Variants in HCN1 observed in about 807,000 individuals in gnomAD.
HCN1 encodes potassium/sodium hyperpolarization-activated cyclic nucleotide-gated channel 1.
In HCN1, 13 loss-of-function variants were observed where a neutral mutation model predicts 78.9. The ratio of observed to expected loss-of-function variants is 0.16; its 90% CI spans 0.11 to 0.26. The LOEUF (loss-of-function observed/expected upper bound fraction) is 0.26. HCN1 is among the 10% of genes least tolerant of loss of function. The pLI is 1.00. For missense variants in HCN1, 810 were observed against 1,154.3 expected (o/e 0.70, Z 4.32); for synonymous variants, 552 against 455.5 (o/e 1.21, Z -2.70).
intron 4 of HCN1, among the ~76,000 whole-genome samples, chr5:45,366,049 C>G (rs1384190381): frequency 6.6e-6 from 1 of 151,716 alleles, no homozygotes; most frequent in Non-Finnish European, 1.5e-5. Flanking sequence ...GCTAAATCTA[C>G]TAGGCTATCA....
At chr5:45,282,055 A>G (rs1745180454) in intron 6 of HCN1, among the ~76,000 whole-genome samples, 1 of 152,234 alleles carries the variant, frequency 6.6e-6, no homozygotes, top group African/African-American at 2.4e-5. Context: ...AACTGAATAA[A>G]ATATGCCCAA....
Position 45,695,935 on chromosome 5 carries a change from G to T in HCN1, c.159C>A (p.His53Gln), listed in dbSNP as rs10066808. The change falls in exon 1 of 8, where the codon CAC becomes CAA. Residue 53 changes from histidine (H) to glutamine (Q), a missense_variant. Transcript: ENST00000303230. ...CCACCTTGAAGCACACGGAGTTGCCGTGCTCCTTCGCGCCGGCCCCGCCGC... is the reference window on the plus strand; with the variant it reads ...CCACCTTGAAGCACACGGAGTTGCCTTGCTCCTTCGCGCCGGCCCCGCCGC... ...PGGGGAGAKE[H>Q]GNSVCFKVDG... is the part of the protein sequence containing the mutation. 10 of 1,423,114 alleles carry T rather than the reference G, an allele frequency of 7.0e-6. No individual in the cohort carries two copies. The South Asian group carries it at 1.4e-4, about 21-fold the overall frequency. 88.2% of individuals were successfully genotyped at this position (1,423,114 alleles called of 1,614,324 possible).
chr5:45,375,456 A>T (rs1204076884), intron 4 of HCN1, among the ~76,000 whole-genome samples: 1 of 108,618 alleles, frequency 9.2e-6, no homozygotes, highest in Non-Finnish European at 1.7e-5. Context: ...ATATTTTATG[A>T]TACATATGAT....
rs905847650 is a variant in HCN1, at chr5:45,291,503, G to C, written c.1618+12096C>G. 5.3e-5 allele frequency among the ~76,000 whole-genome samples: 8 copies of C among 151,874 alleles called. No individual in the cohort carries two copies. In the East Asian group the frequency reaches 7.8e-4, roughly 15 times the overall value. On this transcript the variant is annotated intron_variant, in intron 6 of 7. Transcript: ENST00000303230. ...ACTTGTTATTCCCCATGCTGATAACGTTTCTCCCTCAGATTGTTACATGAC... is the reference window on the plus strand; with the variant it reads ...ACTTGTTATTCCCCATGCTGATAACCTTTCTCCCTCAGATTGTTACATGAC...
chr5:45,348,108 C>T lies in HCN1; in HGVS notation c.1377+4992G>A, dbSNP rs540490513. Reference sequence around the variant, plus strand: ...ATGAAGGAAAAAATGTTCAGGGCAGCCAGAGAGAAAGGTCGGATTACCCAC... The same window carrying T: ...ATGAAGGAAAAAATGTTCAGGGCAGTCAGAGAGAAAGGTCGGATTACCCAC... On this transcript the variant is annotated intron_variant, in intron 5 of 7. Coordinates refer to ENST00000303230, the MANE Select transcript of HCN1 (RefSeq NM_021072.4). Among the ~76,000 whole-genome samples, 13 of 152,148 alleles carry T rather than the reference C, an allele frequency of 8.5e-5. No homozygotes were observed. The East Asian group carries it at 2.3e-3, about 27-fold the overall frequency.
chr5:45,317,075 TCATATGGGGC>T (rs1265526769), intron 5 of HCN1, among the ~76,000 whole-genome samples: 5 of 152,068 alleles, frequency 3.3e-5, no homozygotes, highest in Admixed American at 6.6e-5. Flanking sequence ...ACTTTAAAGT[TCATATGGGGC>T]CAAAAAAGAG....
intron 2 of HCN1, among the ~76,000 whole-genome samples, chr5:45,608,357 ATGTGTGTGTGTGTG>A (rs397970171): frequency 7.1e-6 from 1 of 140,410 alleles, no homozygotes; most frequent in East Asian, 2.1e-4. Flanking sequence ...GGATGGGTGT[ATGTGTGTGTGTGTG>A]TGTGTGTGTG....
chr5:45,668,989 GA>G (rs1429597976), intron 1 of HCN1, among the ~76,000 whole-genome samples: 2 of 151,902 alleles, frequency 1.3e-5, no homozygotes, highest in African/African-American at 4.8e-5. Context: ...AATGAATGTA[GA>G]AGGGCTGAAC....
intron 4 of HCN1, among the ~76,000 whole-genome samples, chr5:45,378,276 G>T (rs780199827): frequency 6.6e-6 from 1 of 151,926 alleles, no homozygotes; most frequent in Admixed American, 6.6e-5. Context: ...ATGTTTTGTT[G>T]TTCTTCAGTT....
At chr5:45,359,418 T>A (rs202110113) in intron 4 of HCN1, among the ~76,000 whole-genome samples, 2,080 of 142,132 alleles carry the variant, frequency 0.015, 19 homozygotes, top group African/African-American at 0.027. Context: ...AAAAAAAAAA[T>A]ATATATATAT....
chr5:45,403,339 C>T, intron 3 of HCN1, among the ~76,000 whole-genome samples: 1 of 152,072 alleles, frequency 6.6e-6, no homozygotes, highest in Non-Finnish European at 1.5e-5. Flanking sequence ...TGTATTAGTC[C>T]ATTCTCAGGC....
chr5:45,661,252 C>T (rs1471127480), intron 1 of HCN1, among the ~76,000 whole-genome samples: 1 of 90,366 alleles, frequency 1.1e-5, no homozygotes, highest in Non-Finnish European at 2.1e-5. Flanking sequence ...TTCTTTGAAA[C>T]CAACGAGAAC....
chr5:45,360,147 AAT>A (rs1747083784), intron 4 of HCN1, among the ~76,000 whole-genome samples: 1 of 151,582 alleles, frequency 6.6e-6, no homozygotes, highest in Admixed American at 6.6e-5. Flanking sequence ...GTTGAATAAA[AAT>A]ATATGTCTCA....
intron 5 of HCN1, among the ~76,000 whole-genome samples, chr5:45,313,196 T>C (rs1303853167): frequency 3.3e-5 from 5 of 152,128 alleles, no homozygotes; most frequent in Non-Finnish European, 5.9e-5. Context: ...GGCAGCAACA[T>C]TTGCTGTTCA....
In HCN1 at chr5:45,544,899, G is replaced by A. The variant is rs182992227; in HGVS notation, c.850-82892C>T. Among the ~76,000 whole-genome samples the A allele has an allele frequency of 4.1e-3, 627 of 152,058 alleles. 2 individuals carry two copies. The highest frequency in any genetic ancestry group is 6.2e-3 in the Non-Finnish European group (424 of 67,986). On this transcript the variant is annotated intron_variant, in intron 2 of 7. Coordinates refer to ENST00000303230, the MANE Select transcript of HCN1 (RefSeq NM_021072.4). ...AGTCTTTGCTATTGTGAATAGTGCCGCAATAAACATATGTGTGCATGTGTC... is the reference window on the plus strand; with the variant it reads ...AGTCTTTGCTATTGTGAATAGTGCCACAATAAACATATGTGTGCATGTGTC...
intron 6 of HCN1, among the ~76,000 whole-genome samples, chr5:45,294,091 T>C (rs1308088012): frequency 6.6e-6 from 1 of 151,986 alleles, no homozygotes; most frequent in African/African-American, 2.4e-5. Context: ...CTATCAACAG[T>C]TTCCTTATGC....
chr5:45,497,571 C>G (rs138224474), intron 2 of HCN1, among the ~76,000 whole-genome samples: 14,654 of 152,164 alleles, frequency 0.096, 949 homozygotes, highest in Middle Eastern at 0.17. Flanking sequence ...CTTCCTCCAT[C>G]CTTTTATTTT....
At chr5:45,553,667 T>C (rs1421679420) in intron 2 of HCN1, among the ~76,000 whole-genome samples, 4 of 151,930 alleles carry the variant, frequency 2.6e-5, no homozygotes, top group East Asian at 1.9e-4. Context: ...AAATATGACA[T>C]AGTATTTGCA....
chr5:45,644,568 T>A (rs1745509219), intron 2 of HCN1: 1 of 152,500 alleles, frequency 6.6e-6, no homozygotes, highest in African/African-American at 2.4e-5. Context: ...TTCTATGTAC[T>A]AATGTCCCTC....
Sources: allele counts gnomAD v4.1 joint callset (sites outside exome capture counted in the v4.1 genomes callset), GRCh38; gene constraint gnomAD v4.1.1; transcripts MANE v1.5; gene names NCBI Gene and HGNC (gene_info 2026-07-23, HGNC 2026-07-21).